ALPK2: variants seen among roughly 807,000 people sequenced by gnomAD.
The protein encoded by ALPK2 is alpha-protein kinase 2.
A neutral mutation model predicts 163.1 loss-of-function variants in ALPK2; 127 were observed. The ratio of observed to expected loss-of-function variants is 0.78; its 90% CI spans 0.67 to 0.90. The LOEUF (loss-of-function observed/expected upper bound fraction) is 0.90, where lower values mean the gene tolerates loss of function less well. Ranked by LOEUF, ALPK2 falls within the 40% of genes least tolerant of loss-of-function variation. The pLI, the probability that ALPK2 is intolerant of heterozygous loss-of-function variation, is 0.00. For missense variants in ALPK2, 2,360 were observed against 2,589.6 expected, an observed-to-expected ratio of 0.91 and a Z score of 1.92; for synonymous variants, 953 against 959.1, an observed-to-expected ratio of 0.99 and a Z score of 0.12.
At chr18:58,500,851 C>T (rs776033902) in intron 11 of ALPK2, among the ~76,000 whole-genome samples, 6 of 151,988 alleles carry the variant, frequency 3.9e-5, no homozygotes, top group East Asian at 1.9e-4. Flanking sequence ...TGTTAGAAGG[C>T]GTGGTAGTCT....
At chr18:58,552,619 C>G (rs188992630) in intron 4 of ALPK2, among the ~76,000 whole-genome samples, 86 of 152,320 alleles carry the variant, frequency 5.6e-4, no homozygotes, top group African/African-American at 1.9e-3. Context: ...GTCTATGTTC[C>G]TGGCCTTGTC....
intron 6 of ALPK2, among the ~76,000 whole-genome samples, chr18:58,526,262 T>C (rs748426359): frequency 5.9e-5 from 9 of 152,142 alleles, no homozygotes; most frequent in African/African-American, 1.7e-4. Context: ...AAGAGTGAAG[T>C]TGGCTGCAGG....
chr18:58,570,105 G>C (rs1158228829), intron 4 of ALPK2, among the ~76,000 whole-genome samples: 1 of 144,714 alleles, frequency 6.9e-6, no homozygotes, highest in Non-Finnish European at 1.5e-5. Flanking sequence ...ACTCCAGCCT[G>C]GGTGACAGAG....
At chr18:58,607,779 T>C (rs2052106292) in intron 2 of ALPK2, among the ~76,000 whole-genome samples, 1 of 152,208 alleles carries the variant, frequency 6.6e-6, no homozygotes, top group Non-Finnish European at 1.5e-5. Flanking sequence ...TTCAATGTCA[T>C]ATGAAGGCAA....
chr18:58,554,509 TG>T (rs1424862002), intron 4 of ALPK2, among the ~76,000 whole-genome samples: 1 of 152,208 alleles, frequency 6.6e-6, no homozygotes, highest in Non-Finnish European at 1.5e-5. Flanking sequence ...GGCACTGACC[TG>T]CAGGTGCTCC....
In ALPK2 at chr18:58,523,789, A is replaced by G; in HGVS notation, c.5665+17T>C. Reference sequence around the variant, plus strand: ...GTAAGCCCATTTCCTCTGGCAGGTCAACCCTAACTGACTTACCTTTAGTAT... The same window carrying G: ...GTAAGCCCATTTCCTCTGGCAGGTCGACCCTAACTGACTTACCTTTAGTAT... On this transcript the variant is annotated intron_variant, in intron 8 of 12. Transcript: ENST00000361673. 6.2e-7 allele frequency: 1 copy of G among 1,614,194 alleles called. No homozygotes were observed. The highest frequency in any genetic ancestry group is 1.3e-5 in the African/African-American group (1 of 75,046).
chr18:58,609,953 G>A (rs961179932), intron 2 of ALPK2, among the ~76,000 whole-genome samples: 2 of 151,902 alleles, frequency 1.3e-5, no homozygotes, highest in South Asian at 2.1e-4. Context: ...GAGGCTGAGC[G>A]CACAGTTCTA....
chr18:58,516,318 C>T (rs947347772), intron 9 of ALPK2, among the ~76,000 whole-genome samples: 4 of 152,060 alleles, frequency 2.6e-5, no homozygotes, highest in South Asian at 2.1e-4. Context: ...CCTGCCCTAT[C>T]CTCTCACCTC....
chr18:58,493,036 G>A (rs11661670), intron 12 of ALPK2, among the ~76,000 whole-genome samples: 21,377 of 152,180 alleles, frequency 0.14, 1,642 homozygotes, highest in Non-Finnish European at 0.16. Flanking sequence ...ATCAGCCAGC[G>A]GGCCAGCCAG....
chr18:58,591,024 A>G (rs1263275600), intron 3 of ALPK2, among the ~76,000 whole-genome samples: 2 of 152,070 alleles, frequency 1.3e-5, no homozygotes, highest in Admixed American at 1.3e-4. Flanking sequence ...GGAAGAAACC[A>G]TCTCTTTCAT....
At chr18:58,525,543 A>G (rs2051579883) in intron 6 of ALPK2, among the ~76,000 whole-genome samples, 1 of 152,178 alleles carries the variant, frequency 6.6e-6, no homozygotes, top group Admixed American at 6.5e-5. Flanking sequence ...TTGGCCCAGA[A>G]CCACGAAGAC....
rs2051651015 is a variant in ALPK2, at chr18:58,536,716, C to T, written c.3471G>A (p.Leu1157=). ...CCTCTTGTGCAGCAGATGTCGTAGGCAAACTTTGTTGGAAATCAGGTGCAG... is the reference window on the plus strand; with the variant it reads ...CCTCTTGTGCAGCAGATGTCGTAGGTAAACTTTGTTGGAAATCAGGTGCAG... The part of the protein sequence containing the change: ...SLSAPDFQQS[L]PTTSAAQEER... The change falls in exon 5 of 13, where the codon TTG becomes TTA. Residue 1157 remains leucine (L), a synonymous_variant. Transcript: ENST00000361673. The T allele has an allele frequency of 6.2e-7, 1 of 1,614,176 alleles. No individual in the cohort carries two copies. Among genetic ancestry groups the T allele is most frequent in the South Asian group, 1.1e-5 (1 of 91,084 alleles).
chr18:58,523,746 G>T, intron 8 of ALPK2, 60 bp downstream of exon 8: 1 of 1,599,584 alleles, frequency 6.3e-7, no homozygotes, highest in Non-Finnish European at 8.6e-7. Context: ...TCCTCTGGGA[G>T]CTATTTTATG....
intron 12 of ALPK2, among the ~76,000 whole-genome samples, chr18:58,484,729 C>T (rs1279352038): frequency 5.4e-5 from 8 of 147,618 alleles, no homozygotes; most frequent in East Asian, 2.0e-4. Context: ...GGCGACAGAG[C>T]GAGACTTCGT....
intron 1 of ALPK2, among the ~76,000 whole-genome samples, chr18:58,623,488 A>G (rs1180743980): frequency 6.6e-6 from 1 of 151,694 alleles, no homozygotes; most frequent in Non-Finnish European, 1.5e-5. Flanking sequence ...TTCTTTTGAG[A>G]TAGGGTCTCC....
In ALPK2 at chr18:58,580,482, A is replaced by G; in HGVS notation, c.294T>C (p.Cys98=). The change falls in exon 4 of 13, where the codon TGT becomes TGC. Residue 98 remains cysteine, a synonymous_variant. Coordinates refer to ENST00000361673, the MANE Select transcript of ALPK2 (RefSeq NM_052947.4). ...AGCACTCAACCTCAACGGAAGCAGAACAACAGATCATTCCAAAAGAGTTTT... is the reference window on the plus strand; with the variant it reads ...AGCACTCAACCTCAACGGAAGCAGAGCAACAGATCATTCCAAAAGAGTTTT... ...SAKNSFGMIC[C]SASVEVECSS... 6.2e-7 allele frequency: 1 copy of G among 1,614,210 alleles called. No homozygotes were observed. The highest frequency in any genetic ancestry group is 8.5e-7 in the Non-Finnish European group (1 of 1,180,030).
chr18:58,525,173 T>G (rs2051578023), intron 6 of ALPK2, among the ~76,000 whole-genome samples: 1 of 152,216 alleles, frequency 6.6e-6, no homozygotes. Flanking sequence ...TTGGTTGGTT[T>G]TTCAATAGAC....
At chr18:58,549,162 G>C (rs1386055786) in intron 4 of ALPK2, among the ~76,000 whole-genome samples, 2 of 152,134 alleles carry the variant, frequency 1.3e-5, no homozygotes, top group African/African-American at 4.8e-5. Context: ...AAATAATTGA[G>C]GTTTCAAGTA....
At chr18:58,551,452 C>A (rs933029674) in intron 4 of ALPK2, among the ~76,000 whole-genome samples, 4 of 152,188 alleles carry the variant, frequency 2.6e-5, no homozygotes, top group Admixed American at 6.5e-5. Context: ...TATAAGGACA[C>A]CAGTCACTGG....
Sources: allele counts gnomAD v4.1 joint callset (sites outside exome capture counted in the v4.1 genomes callset), GRCh38; gene constraint gnomAD v4.1.1; transcripts MANE v1.5; gene names NCBI Gene and HGNC (gene_info 2026-07-23, HGNC 2026-07-21).